EHF: variants seen among roughly 807,000 people sequenced by gnomAD.
The protein encoded by EHF is ETS homologous factor, also known as ESE3 transcription factor.
EHF carries 14 observed loss-of-function variants against 45.1 expected under a neutral mutation model. The ratio of observed to expected loss-of-function variants is 0.31; its 90% CI spans 0.21 to 0.49. The LOEUF (loss-of-function observed/expected upper bound fraction) is 0.49, where lower values mean the gene tolerates loss of function less well. EHF is among the 20% of genes least tolerant of loss of function. The pLI, the probability that EHF is intolerant of heterozygous loss-of-function variation, is 0.99. For synonymous variants in EHF, 136 were observed against 131.8 expected (o/e 1.03, Z -0.22); for missense variants, 282 against 371.4 (o/e 0.76, Z 1.98).
chr11:34,637,779 T>C (rs1190303859), intron 1 of EHF, among the ~76,000 whole-genome samples: 2 of 152,112 alleles, frequency 1.3e-5, no homozygotes, highest in Non-Finnish European at 2.9e-5. Context: ...TGTCAACCTC[T>C]GGACAATCAG....
At chr11:34,647,480 G>C (rs1189084104) in intron 3 of EHF, among the ~76,000 whole-genome samples, 1 of 152,204 alleles carries the variant, frequency 6.6e-6, no homozygotes, top group African/African-American at 2.4e-5. Flanking sequence ...GAATGGTTTT[G>C]ACACTGGCAT....
intron 1 of EHF, among the ~76,000 whole-genome samples, chr11:34,623,824 T>C (rs2133961497): frequency 6.6e-6 from 1 of 152,332 alleles, no homozygotes; most frequent in Non-Finnish European, 1.5e-5. Flanking sequence ...TGGGTTGTGA[T>C]CGTTAGACCA....
rs1304566866 is a variant in EHF at position 34,659,170 on chromosome 11, G to T, written c.*239G>T. The T allele has an allele frequency of 6.2e-5, 24 of 388,210 alleles. No homozygotes were observed. Among genetic ancestry groups the T allele is most frequent in the Non-Finnish European group, 1.1e-4 (23 of 217,840 alleles). 24.0% of individuals were successfully genotyped at this position (388,210 alleles called of 1,614,324 possible). A position where few individuals can be genotyped will look rare whatever the true frequency, so the allele number is the denominator to read the frequency against. ...TACACAGTTTTCTGTGAAATATGAT[G>T]CTGTATGTGGTTGTGATTTTTTTTC... On this transcript the variant is annotated 3_prime_UTR_variant, in exon 9 of 9. Coordinates refer to ENST00000257831, the MANE Select transcript of EHF (RefSeq NM_012153.6).
chr11:34,622,539 T>C (rs1852055099), intron 1 of EHF: 3 of 379,826 alleles, frequency 7.9e-6, no homozygotes, highest in Non-Finnish European at 1.3e-5. Flanking sequence ...AGAAGATACG[T>C]TATTAGGAAG....
intron 2 of EHF, 47 bp from the exon 3 acceptor site, chr11:34,646,392 C>T (rs1422827882): frequency 6.2e-7 from 1 of 1,608,292 alleles, no homozygotes; most frequent in East Asian, 2.2e-5. Context: ...GATACTATGG[C>T]CAGGAACAGC....
intron 1 of EHF, among the ~76,000 whole-genome samples, chr11:34,637,632 T>C (rs1363582617): frequency 6.6e-6 from 1 of 152,232 alleles, no homozygotes; most frequent in African/African-American, 2.4e-5. Context: ...GCAAGAAGCC[T>C]GGCATGTTGT....
chr11:34,648,911 C>G, intron 3 of EHF, 108 bp from the exon 4 acceptor site: 1 of 1,026,526 alleles, frequency 9.7e-7, no homozygotes, highest in Non-Finnish European at 1.5e-6. Context: ...GGTGACCAGG[C>G]AGTAGGATGG....
intron 2 of EHF, among the ~76,000 whole-genome samples, chr11:34,643,261 G>A (rs914629466): frequency 1.3e-5 from 2 of 152,122 alleles, no homozygotes; most frequent in Non-Finnish European, 2.9e-5. Flanking sequence ...GAAGAAGAGG[G>A]GACCTGGTGG....
intron 3 of EHF, among the ~76,000 whole-genome samples, chr11:34,648,433 T>C (rs900845422): frequency 3.9e-5 from 6 of 152,156 alleles, no homozygotes; most frequent in African/African-American, 1.4e-4. Flanking sequence ...GGTCATGTGA[T>C]GTGTACTGCT....
intron 1 of EHF, among the ~76,000 whole-genome samples, chr11:34,632,289 A>G (rs1202298544): frequency 6.6e-6 from 1 of 152,200 alleles, no homozygotes; most frequent in Non-Finnish European, 1.5e-5. Context: ...TGCCAACTCA[A>G]ATGAAAAGGT....
chr11:34,647,085 C>CA (rs1385200878), intron 3 of EHF, among the ~76,000 whole-genome samples: 10 of 112,616 alleles, frequency 8.9e-5, no homozygotes, highest in African/African-American at 3.7e-4. Context: ...CAAAACAAAA[C>CA]CCCCCCCACA....
intron 4 of EHF, among the ~76,000 whole-genome samples, chr11:34,650,383 A>G (rs1041732704): frequency 1.3e-5 from 2 of 152,188 alleles, no homozygotes; most frequent in African/African-American, 4.8e-5. Flanking sequence ...GTGACCCAAC[A>G]AGGAGAGAGG....
intron 1 of EHF, among the ~76,000 whole-genome samples, chr11:34,632,930 G>A (rs530969093): frequency 4.6e-5 from 7 of 152,154 alleles, no homozygotes; most frequent in African/African-American, 1.2e-4. Context: ...TGTAATGGCC[G>A]GATAAGCATT....
chr11:34,645,519 A>T (rs139983566), intron 2 of EHF, among the ~76,000 whole-genome samples: 1 of 152,334 alleles, frequency 6.6e-6, no homozygotes, highest in Non-Finnish European at 1.5e-5. Context: ...TACAATTTAC[A>T]AAGGAGAATA....
intron 1 of EHF, among the ~76,000 whole-genome samples, chr11:34,626,848 T>G (rs1436265304): frequency 6.6e-6 from 1 of 152,170 alleles, no homozygotes; most frequent in Non-Finnish European, 1.5e-5. Flanking sequence ...ACTCTACCAC[T>G]GGGTAGTTGA....
intron 1 of EHF, among the ~76,000 whole-genome samples, chr11:34,630,837 G>A (rs1852818026): frequency 6.6e-6 from 1 of 152,044 alleles, no homozygotes; most frequent in Admixed American, 6.6e-5. Flanking sequence ...AGTTCTTAAT[G>A]CTCCTGGAGA....
Position 34,661,150 on chromosome 11 carries a change from GGGCCTTC to G in EHF, c.*2220_*2226del, listed in dbSNP as rs1856056060. On this transcript the variant is annotated 3_prime_UTR_variant, in exon 9 of 9. Transcript: ENST00000257831. ...TTTACAAGAAGGCCAAAGAACTATG[GGGCCTTC>G]CCAGCATTTGACTGTTCATTGCATA... 1 of 152,126 alleles carries G rather than the reference GGGCCTTC, an allele frequency of 6.6e-6. No homozygotes were observed. Among genetic ancestry groups the G allele is most frequent in the South Asian group, 2.1e-4 (1 of 4,816 alleles). 9.4% of individuals were successfully genotyped at this position (152,126 alleles called of 1,614,324 possible). A position where few individuals can be genotyped will look rare whatever the true frequency, so the allele number is the denominator to read the frequency against.
intron 1 of EHF, among the ~76,000 whole-genome samples, chr11:34,636,994 A>C (rs1197105929): frequency 7.1e-6 from 1 of 140,926 alleles, no homozygotes; most frequent in Non-Finnish European, 1.5e-5. Context: ...GCGCCATTGC[A>C]CTCCATTCTG....
chr11:34,654,023 C>T (rs1165989047), intron 6 of EHF, among the ~76,000 whole-genome samples: 1 of 152,192 alleles, frequency 6.6e-6, no homozygotes, highest in Non-Finnish European at 1.5e-5. Context: ...ATGTGTTTAT[C>T]CACTGACTTG....
Sources: gnomAD v4.1 joint callset for allele counts (sites outside exome capture counted in the v4.1 genomes callset) on GRCh38, gnomAD v4.1.1 for gene constraint, MANE v1.5 for transcripts, NCBI Gene and HGNC (gene_info 2026-07-23, HGNC 2026-07-21) for gene names.